RPTOR: variants seen among roughly 807,000 people sequenced by gnomAD.
The protein encoded by RPTOR is regulatory-associated protein of mTOR.
In RPTOR, 21 loss-of-function variants were observed where a neutral mutation model predicts 169.9. The ratio of observed to expected loss-of-function variants is 0.12; its 90% confidence interval spans 0.09 to 0.18. RPTOR has a LOEUF of 0.18. RPTOR is among the 10% of genes least tolerant of loss of function. The pLI is 1.00. For synonymous variants in RPTOR, 732 were observed against 753.2 expected, an observed-to-expected ratio of 0.97 and a Z score of 0.46; for missense variants, 1,133 against 1,855.9, an observed-to-expected ratio of 0.61 and a Z score of 7.16.
intron 25 of RPTOR, among the ~76,000 whole-genome samples, chr17:80,944,441 A>G (rs1046606002): frequency 2.0e-5 from 3 of 152,234 alleles, no homozygotes; most frequent in Admixed American, 2.0e-4. Context: ...GAATGCTTCC[A>G]CATGTCCAGC....
At chr17:80,727,925 A>C (rs1419850401) in intron 4 of RPTOR, among the ~76,000 whole-genome samples, 4 of 152,180 alleles carry the variant, frequency 2.6e-5, no homozygotes, top group Admixed American at 1.3e-4. Context: ...CCATTGATGG[A>C]TGAGTGCCCT....
chr17:80,890,957 T>G (rs1249179555), intron 17 of RPTOR, among the ~76,000 whole-genome samples: 2 of 152,122 alleles, frequency 1.3e-5, no homozygotes, highest in Non-Finnish European at 2.9e-5. Flanking sequence ...GCGCTTGGCT[T>G]TCTGCTAAGA....
intron 6 of RPTOR, among the ~76,000 whole-genome samples, chr17:80,758,310 G>T (rs1160319503): frequency 6.6e-6 from 1 of 152,186 alleles, no homozygotes; most frequent in Non-Finnish European, 1.5e-5. Context: ...GCTTGGAGGA[G>T]GTGGAACCTG....
chr17:80,684,449 T>A (rs564710462), intron 3 of RPTOR, among the ~76,000 whole-genome samples: 4 of 120,734 alleles, frequency 3.3e-5, no homozygotes, highest in African/African-American at 1.3e-4. Context: ...TATTTATTTA[T>A]TTAATTTTTC....
rs2069269969 is a variant in RPTOR, at chr17:80,957,625, A to C, written c.3372A>C (p.Gly1124=). The change falls in exon 29 of 34, where the codon GGA becomes GGC. Residue 1124 remains glycine (G), a splice_region_variant and synonymous_variant. Coordinates refer to ENST00000306801, the MANE Select transcript of RPTOR (RefSeq NM_020761.3). The surrounding 1 kb of genome is among the most constrained non-coding windows in gnomAD (Gnocchi z 4.6). ...GLSDMLPTTR[G]AGMVVDWEQE... ...CCATGTCCCACTGTATCTCTCCAGG[A>C]GCTGGGATGGTGGTGGACTGGGAGC... 1 of 1,613,940 alleles carries C rather than the reference A, an allele frequency of 6.2e-7. No homozygotes were observed. The highest frequency in any genetic ancestry group is 1.3e-5 in the African/African-American group (1 of 75,044).
intron 11 of RPTOR, 104 bp downstream of exon 11, chr17:80,846,678 T>G: frequency 1.1e-6 from 1 of 904,814 alleles, no homozygotes; most frequent in Non-Finnish European, 1.8e-6. Context: ...GCCCTGTGGG[T>G]CTGTGACATC....
intron 3 of RPTOR, among the ~76,000 whole-genome samples, chr17:80,671,788 C>A (rs2065823806): frequency 6.6e-6 from 1 of 152,120 alleles, no homozygotes; most frequent in South Asian, 2.1e-4. Flanking sequence ...ATCACCTTCT[C>A]AGTTTTGAAA....
chr17:80,843,057 C>T (rs2067688338), intron 10 of RPTOR, among the ~76,000 whole-genome samples: 1 of 152,128 alleles, frequency 6.6e-6, no homozygotes, highest in Non-Finnish European at 1.5e-5. Context: ...TTTTTTTCCC[C>T]GAGTTTGCCT....
chr17:80,962,617 G>T (rs766315226), intron 32 of RPTOR, 40 bp downstream of exon 32: 1 of 1,541,700 alleles, frequency 6.5e-7, no homozygotes, highest in East Asian at 2.3e-5. Flanking sequence ...CCGCTCACCC[G>T]CCTCGGGCCT....
chr17:80,607,020 G>A (rs1412509316), intron 1 of RPTOR, among the ~76,000 whole-genome samples: 1 of 152,194 alleles, frequency 6.6e-6, no homozygotes, highest in African/African-American at 2.4e-5. Context: ...TGCAGCACAT[G>A]AAGGCGCCCA....
intron 1 of RPTOR, among the ~76,000 whole-genome samples, chr17:80,605,252 T>C (rs960226280): frequency 3.3e-5 from 5 of 152,224 alleles, no homozygotes; most frequent in Non-Finnish European, 7.3e-5. Flanking sequence ...GAACTCAGTG[T>C]TGAGGAGAGC....
Position 80,545,232 on chromosome 17 carries a change from C to T in RPTOR, c.-398C>T, listed in dbSNP as rs972499282. On this transcript the variant is annotated 5_prime_UTR_variant, in exon 1 of 34. Coordinates refer to ENST00000306801, the MANE Select transcript of RPTOR (RefSeq NM_020761.3). ...TGGGCGAACCGGCACCAAGAGCGGC[C>T]TGCCTGTCTTCGGAACTGCTGAGGC... 3.4e-5 allele frequency: 8 copies of T among 237,448 alleles called. No individual in the cohort carries two copies. The highest frequency in any genetic ancestry group is 1.8e-4 in the African/African-American group (8 of 45,482). The allele number at this position is 237,448 out of a possible 1,614,324, so 14.7% of individuals were successfully genotyped here. A position where few individuals can be genotyped will look rare whatever the true frequency, so the allele number is the denominator to read the frequency against.
At chr17:80,770,527 A>G (rs964374922) in intron 6 of RPTOR, among the ~76,000 whole-genome samples, 2 of 152,162 alleles carry the variant, frequency 1.3e-5, no homozygotes, top group African/African-American at 4.8e-5. Flanking sequence ...AGAACTGGGC[A>G]TGGCGGTGGC....
intron 6 of RPTOR, among the ~76,000 whole-genome samples, chr17:80,775,207 A>T: frequency 6.6e-6 from 1 of 152,160 alleles, no homozygotes. Flanking sequence ...TCTTGTTTTC[A>T]GCCATTTTCT....
At chr17:80,779,462 C>T (rs550059165) in intron 6 of RPTOR, among the ~76,000 whole-genome samples, 202 of 152,324 alleles carry the variant, frequency 1.3e-3, no homozygotes, top group Admixed American at 2.4e-3. Flanking sequence ...CGGATCTCCT[C>T]ATGCTTCTGC....
chr17:80,553,738 G>C (rs774497733), intron 1 of RPTOR, among the ~76,000 whole-genome samples: 8 of 121,958 alleles, frequency 6.6e-5, no homozygotes, highest in Non-Finnish European at 1.3e-4. Context: ...CAGAGGATAG[G>C]TGTTTTTTTT....
At chr17:80,703,786 GT>G (rs1178945850) in intron 3 of RPTOR, among the ~76,000 whole-genome samples, 5 of 152,080 alleles carry the variant, frequency 3.3e-5, no homozygotes, top group African/African-American at 1.2e-4. Flanking sequence ...ACCTCTAATT[GT>G]TTCTACCAAG....
chr17:80,665,372 C>T (rs2065758620), intron 3 of RPTOR, among the ~76,000 whole-genome samples: 1 of 5,288 alleles, frequency 1.9e-4, no homozygotes, highest in African/African-American at 2.2e-3. Flanking sequence ...CCTTTCCTTT[C>T]CTTTCCTTTC....
chr17:80,706,268 C>A (rs1269258225), intron 3 of RPTOR, among the ~76,000 whole-genome samples: 1 of 152,130 alleles, frequency 6.6e-6, no homozygotes, highest in Non-Finnish European at 1.5e-5. Flanking sequence ...TTGTTCCCCT[C>A]CCCAACCCCA....
Sources: allele counts gnomAD v4.1 joint callset (sites outside exome capture counted in the v4.1 genomes callset), GRCh38; gene constraint gnomAD v4.1.1; non-coding constraint Gnocchi (gnomAD v3.1); transcripts MANE v1.5; gene names NCBI Gene and HGNC (gene_info 2026-07-23, HGNC 2026-07-21).